Variants in MTG1 observed in about 807,000 individuals in gnomAD.
MTG1 encodes the protein mitochondrial ribosome-associated GTPase 1.
A neutral mutation model predicts 39.5 loss-of-function variants in MTG1; 30 were observed. That is an observed-to-expected ratio of 0.76 (90% CI 0.57 to 1.03). The LOEUF is 1.03. Among genes scored for constraint, MTG1 ranks in the 50% least tolerant of loss-of-function variants. The pLI is 0.00. For missense variants in MTG1, 513 were observed against 447.4 expected, an observed-to-expected ratio of 1.15 and a Z score of -1.32; for synonymous variants, 217 against 179.0, an observed-to-expected ratio of 1.21 and a Z score of -1.69.
chr10:133,422,484 A>G lies in MTG1; in HGVS notation c.*2319A>G, dbSNP rs1201712453. ...GGAATGTGTTGGTTTTTCCCCCCCA[A>G]AATGGGTCCTAAGGAGGGTAAAGTG... On this transcript the variant is annotated 3_prime_UTR_variant, in exon 11 of 11. Transcript: ENST00000317502. 1 of 152,272 alleles carries G rather than the reference A, an allele frequency of 6.6e-6. No individual in the cohort carries two copies. The highest frequency in any genetic ancestry group is 1.5e-5 in the Non-Finnish European group (1 of 68,104). 9.4% of individuals were successfully genotyped at this position (152,272 alleles called of 1,614,324 possible). A position where few individuals can be genotyped will look rare whatever the true frequency, so the allele number is the denominator to read the frequency against.
chr10:133,415,679 T>C lies in MTG1; in HGVS notation c.753-3801T>C, dbSNP rs577384775. ...TGAGCAACTTGATTACGATGGACCT[T>C]GGTATGGTTTTCTATGTGTTCCTTG... On this transcript the variant is annotated intron_variant, in intron 9 of 10. Transcript: ENST00000317502. 2.3e-3 allele frequency among the ~76,000 whole-genome samples: 356 copies of C among 152,340 alleles called. 1 individual carries two copies. Among genetic ancestry groups the C allele is most frequent in the African/African-American group, 8.1e-3 (335 of 41,572 alleles).
In MTG1 at chr10:133,420,108, C is replaced by T. The variant is rs142609006; in HGVS notation, c.948C>T (p.Ser316=). The change falls in exon 11 of 11, where the codon TCC becomes TCT. Residue 316 remains serine, a synonymous_variant. Coordinates refer to ENST00000317502, the MANE Select transcript of MTG1 (RefSeq NM_138384.4). Reference sequence around the variant, plus strand: ...CTTTCCGCCGTGGGCTGCTGGGTTCCGTGATGCTGGACCTCGACGTCCTGC... The same window carrying T: ...CTTTCCGCCGTGGGCTGCTGGGTTCTGTGATGCTGGACCTCGACGTCCTGC... ...LQTFRRGLLG[S]VMLDLDVLRG... is the part of the protein sequence containing the mutation. 328 of 1,613,508 alleles carry T rather than the reference C, an allele frequency of 2.0e-4. 2 individuals are homozygous for T. The African/African-American group carries it at 3.6e-3, about 18-fold the overall frequency.
chr10:133,411,431 G>A (rs929427223), intron 9 of MTG1, among the ~76,000 whole-genome samples: 2 of 152,070 alleles, frequency 1.3e-5, no homozygotes, highest in Non-Finnish European at 2.9e-5. Context: ...GTTTTATTTG[G>A]GTTAAATCTG....
chr10:133,394,243 T>G lies in MTG1; in HGVS notation c.23T>G (p.Leu8Arg), dbSNP rs1440993837. The G allele has an allele frequency of 6.6e-7, 1 of 1,515,230 alleles. No homozygotes were observed. The highest frequency in any genetic ancestry group is 8.8e-7 in the Non-Finnish European group (1 of 1,136,430). 93.9% of individuals were successfully genotyped at this position (1,515,230 alleles called of 1,614,324 possible). Residue 8 changes from leucine (L) to arginine (R), a missense_variant, in exon 1 of 11, where the codon CTG (leucine) becomes CGG (arginine). Coordinates refer to ENST00000317502, the MANE Select transcript of MTG1 (RefSeq NM_138384.4). MRLTPRALCSAAQAAWRE... is the reference protein window; with the variant it reads MRLTPRARCSAAQAAWRE... Reference sequence around the variant, plus strand: ...GCCATGAGATTGACCCCGCGCGCGCTGTGCAGCGCCGCCCAGGCCGCCTGG... The same window carrying G: ...GCCATGAGATTGACCCCGCGCGCGCGGTGCAGCGCCGCCCAGGCCGCCTGG...
At chr10:133,415,913 A>G (rs935137768) in intron 9 of MTG1, among the ~76,000 whole-genome samples, 32 of 149,680 alleles carry the variant, frequency 2.1e-4, no homozygotes, top group African/African-American at 7.3e-4. Flanking sequence ...CGTGGGCCTC[A>G]GGCACACAGG....
At chr10:133,403,057 CT>C (rs761491803) in intron 9 of MTG1, among the ~76,000 whole-genome samples, 10 of 142,634 alleles carry the variant, frequency 7.0e-5, no homozygotes, top group Non-Finnish European at 1.2e-4. Flanking sequence ...CCTGCTCCTC[CT>C]TCGTGAAATC....
chr10:133,412,482 A>C (rs1850062126), intron 9 of MTG1, among the ~76,000 whole-genome samples: 1 of 152,228 alleles, frequency 6.6e-6, no homozygotes, highest in Admixed American at 6.5e-5. Flanking sequence ...TCATTTGCAA[A>C]TAAAGATCAT....
intron 1 of MTG1, 158 bp downstream of exon 1, chr10:133,394,490 C>G (rs1849751299): frequency 7.5e-7 from 1 of 1,336,592 alleles, no homozygotes; most frequent in Non-Finnish European, 9.6e-7. Context: ...CTCACCCGCT[C>G]CCGGAGCCGC....
intron 3 of MTG1, among the ~76,000 whole-genome samples, chr10:133,397,857 C>G (rs1387371646): frequency 6.6e-6 from 1 of 151,420 alleles, no homozygotes; most frequent in African/African-American, 2.4e-5. Context: ...CAACTCCTGC[C>G]TTTGAAAATG....
intron 9 of MTG1, 45 bp from the exon 10 acceptor site, chr10:133,419,435 T>G: frequency 6.6e-7 from 1 of 1,519,574 alleles, no homozygotes; most frequent in South Asian, 1.2e-5. Flanking sequence ...GGCCGCGCGG[T>G]GTCAGTGCTG....
rs553060234 is a variant in MTG1, at chr10:133,402,828, A to G, written c.752+55A>G. 7.9e-6 allele frequency: 4 copies of G among 506,196 alleles called. No individual in the cohort carries two copies. Among genetic ancestry groups the G allele is most frequent in the East Asian group, 1.3e-4 (2 of 15,182 alleles). The allele number at this position is 506,196 out of a possible 1,614,324, so 31.4% of individuals were successfully genotyped here. A position where few individuals can be genotyped will look rare whatever the true frequency, so the allele number is the denominator to read the frequency against. On this transcript the variant is annotated intron_variant, in intron 9 of 10. Coordinates refer to ENST00000317502, the MANE Select transcript of MTG1 (RefSeq NM_138384.4). This position sits in a 1 kb window ranked among gnomAD's most constrained non-coding sequence, Gnocchi z 4.7. ...GCCCCTCCTCCTAGTCACCTCATTT[A>G]AAAAAAAAAAACAAACAAAAAAACC...
At chr10:133,412,984 C>G (rs1192496142) in intron 9 of MTG1, among the ~76,000 whole-genome samples, 1 of 152,180 alleles carries the variant, frequency 6.6e-6, no homozygotes. Context: ...CTGTTAGGTA[C>G]AGAAACGCTC....
rs773693409 is a variant in MTG1 at position 133,402,727 on chromosome 10, A to T, written c.706A>T (p.Met236Leu). ...GGACCACCTGGTCGGGGAGGAGACCATGGCTGACTACCTGCTGTACACCCT... is the reference window on the plus strand; with the variant it reads ...GGACCACCTGGTCGGGGAGGAGACCTTGGCTGACTACCTGCTGTACACCCT... ...VLDHLVGEET[M>L]ADYLLYTLNK... Residue 236 changes from methionine (M) to leucine (L), a missense_variant, in exon 9 of 11, where the codon ATG (methionine) becomes TTG (leucine). Coordinates refer to ENST00000317502, the MANE Select transcript of MTG1 (RefSeq NM_138384.4). The surrounding 1 kb of genome is among the most constrained non-coding windows in gnomAD (Gnocchi z 4.7). 5.0e-6 allele frequency: 8 copies of T among 1,608,754 alleles called. No individual in the cohort carries two copies. Among genetic ancestry groups the T allele is most frequent in the Non-Finnish European group, 6.8e-6 (8 of 1,177,908 alleles).
chr10:133,415,525 ATGTT>A (rs1273684825), intron 9 of MTG1, among the ~76,000 whole-genome samples: 22 of 148,158 alleles, frequency 1.5e-4, no homozygotes, highest in Non-Finnish European at 2.4e-4. Context: ...GTCTGCGGTC[ATGTT>A]TGTTTGTTTT....
Position 133,419,604 on chromosome 10 carries a change from C to T in MTG1, c.865+12C>T, listed in dbSNP as rs757690528. The stretch of plus-strand genomic sequence containing the variant: ...GCTCACGGGCACGGGTGAGTGAGGT[C>T]GCTGATGCGGGCACCGGAGCCTCAC... On this transcript the variant is annotated intron_variant, in intron 10 of 10. Coordinates refer to ENST00000317502, the MANE Select transcript of MTG1 (RefSeq NM_138384.4). 13 of 1,582,972 alleles carry T rather than the reference C, an allele frequency of 8.2e-6. No individual in the cohort carries two copies. The African/African-American group carries it at 9.4e-5, about 11-fold the overall frequency.
At chr10:133,396,346 C>T (rs41283339) in intron 3 of MTG1, 79 bp downstream of exon 3, 37,904 of 1,229,046 alleles carry the variant, frequency 0.031, 719 homozygotes, top group Middle Eastern at 0.045. Flanking sequence ...GAAGAGTTGC[C>T]GGACGCACAC....
chr10:133,412,570 T>C (rs1020801028), intron 9 of MTG1, among the ~76,000 whole-genome samples: 6 of 152,224 alleles, frequency 3.9e-5, no homozygotes, highest in Non-Finnish European at 8.8e-5. Context: ...TTCAATACAA[T>C]TGACAGGTTT....
At chr10:133,406,714 G>A (rs914929514) in intron 9 of MTG1, among the ~76,000 whole-genome samples, 17 of 134,578 alleles carry the variant, frequency 1.3e-4, no homozygotes, top group African/African-American at 4.6e-4. Context: ...CACCCAGGCT[G>A]GAGTGCAGTG....
chr10:133,411,693 T>A (rs1213605220), intron 9 of MTG1, among the ~76,000 whole-genome samples: 1 of 152,154 alleles, frequency 6.6e-6, no homozygotes, highest in African/African-American at 2.4e-5. Flanking sequence ...GTCTTCAGGC[T>A]CACTGATTTT....
Sources: gnomAD v4.1 joint callset for allele counts (sites outside exome capture counted in the v4.1 genomes callset) on GRCh38, gnomAD v4.1.1 for gene constraint, Gnocchi (gnomAD v3.1) non-coding constraint, MANE v1.5 for transcripts, NCBI Gene and HGNC (gene_info 2026-07-23, HGNC 2026-07-21) for gene names.